The following OLFM3 variants were observed in gnomAD, a reference collection of about 807,000 sequenced individuals.
The protein encoded by OLFM3 is noelin-3.
A neutral mutation model predicts 48.6 loss-of-function variants in OLFM3; 20 were observed. That is an observed-to-expected ratio of 0.41 (90% CI 0.29 to 0.60). OLFM3 has a LOEUF of 0.60. OLFM3 is among the 20% of genes least tolerant of loss of function. The probability of loss-of-function intolerance (pLI) is 0.28; values close to 1 mark genes in which losing one functional copy is unlikely to be tolerated. For missense variants in OLFM3, 437 were observed against 544.3 expected, an observed-to-expected ratio of 0.80 and a Z score of 1.96; for synonymous variants, 222 against 198.1, an observed-to-expected ratio of 1.12 and a Z score of -1.01.
intron 4 of OLFM3, chr1:101,812,718 C>T: frequency 1.0e-6 from 1 of 986,888 alleles, no homozygotes; most frequent in Non-Finnish European, 1.2e-6. Flanking sequence ...TCGGCCAAAA[C>T]TTAGGACAGA....
chr1:101,913,231 T>C (rs975535961), intron 1 of OLFM3, among the ~76,000 whole-genome samples: 6 of 152,318 alleles, frequency 3.9e-5, no homozygotes, highest in African/African-American at 1.4e-4. Flanking sequence ...ACTGCAGCTA[T>C]TGATTTTCCA....
chr1:101,839,996 G>T (rs972031326), intron 1 of OLFM3, among the ~76,000 whole-genome samples: 11 of 152,112 alleles, frequency 7.2e-5, no homozygotes, highest in Non-Finnish European at 1.5e-4. Flanking sequence ...AGTCCTGTGG[G>T]TTTTGATAGA....
intron 1 of OLFM3, among the ~76,000 whole-genome samples, chr1:101,935,635 A>G (rs188699806): frequency 4.9e-4 from 74 of 152,308 alleles, no homozygotes; most frequent in South Asian, 1.0e-3. Flanking sequence ...CAAGGCCAGC[A>G]TCATCCTGAT....
At chr1:101,947,470 TA>T (rs1276621626) in intron 1 of OLFM3, among the ~76,000 whole-genome samples, 1 of 152,154 alleles carries the variant, frequency 6.6e-6, no homozygotes, top group African/African-American at 2.4e-5. Flanking sequence ...CATTTAGAAA[TA>T]AAATTGTTTC....
At chr1:101,833,821 T>C (rs553291622) in intron 2 of OLFM3, among the ~76,000 whole-genome samples, 35 of 152,322 alleles carry the variant, frequency 2.3e-4, no homozygotes, top group Non-Finnish European at 4.6e-4. Context: ...CTGTAGGACT[T>C]AACAAAAACT....
At chr1:101,956,894 A>T (rs943323012) in intron 1 of OLFM3, among the ~76,000 whole-genome samples, 6 of 151,942 alleles carry the variant, frequency 3.9e-5, no homozygotes, top group African/African-American at 1.4e-4. Flanking sequence ...GACATGATAT[A>T]ATAACTAATG....
At chr1:101,818,409 A>T (rs1654438725) in intron 4 of OLFM3, among the ~76,000 whole-genome samples, 1 of 152,310 alleles carries the variant, frequency 6.6e-6, no homozygotes, top group African/African-American at 2.4e-5. Context: ...AAGAAAGAAT[A>T]AAATGCATAG....
At chr1:101,942,832 G>T (rs1195572203) in intron 1 of OLFM3, among the ~76,000 whole-genome samples, 2 of 152,148 alleles carry the variant, frequency 1.3e-5, no homozygotes, top group Admixed American at 1.3e-4. Flanking sequence ...CAAAAACAGA[G>T]GGAAAATAAA....
intron 2 of OLFM3, among the ~76,000 whole-genome samples, chr1:101,831,062 T>C (rs529819095): frequency 4.3e-4 from 66 of 152,348 alleles, no homozygotes; most frequent in African/African-American, 1.5e-3. Flanking sequence ...GCATTAGAAC[T>C]GACTGAATAT....
intron 1 of OLFM3, among the ~76,000 whole-genome samples, chr1:101,890,856 A>G (rs896389924): frequency 6.6e-6 from 1 of 151,976 alleles, no homozygotes; most frequent in Non-Finnish European, 1.5e-5. Flanking sequence ...TACTAATAAA[A>G]AGAGGTAATA....
intron 1 of OLFM3, among the ~76,000 whole-genome samples, chr1:101,946,892 G>A (rs1477123225): frequency 1.3e-5 from 2 of 152,146 alleles, no homozygotes; most frequent in East Asian, 1.9e-4. Flanking sequence ...ATAGTACACA[G>A]TGAAATTAAA....
intron 1 of OLFM3, among the ~76,000 whole-genome samples, chr1:101,873,209 T>C (rs1390663352): frequency 6.6e-6 from 1 of 151,908 alleles, no homozygotes; most frequent in African/African-American, 2.4e-5. Context: ...CCCTTTACAT[T>C]GCTTCCAAGC....
At chr1:101,980,706 C>T (rs1335153991) in intron 1 of OLFM3, among the ~76,000 whole-genome samples, 1 of 152,092 alleles carries the variant, frequency 6.6e-6, no homozygotes. Context: ...GTAAATATGG[C>T]CCAGAGTGAG....
chr1:101,924,312 G>A (rs1298124909), intron 1 of OLFM3, among the ~76,000 whole-genome samples: 3 of 152,126 alleles, frequency 2.0e-5, no homozygotes. Flanking sequence ...AAACCAGAGT[G>A]AAATTCACAG....
intron 1 of OLFM3, among the ~76,000 whole-genome samples, chr1:101,979,982 G>T (rs1661063333): frequency 6.6e-6 from 1 of 152,164 alleles, no homozygotes; most frequent in African/African-American, 2.4e-5. Flanking sequence ...AGTCAAAGGA[G>T]ATTATTTTGG....
chr1:101,948,849 T>A (rs1001173286), intron 1 of OLFM3, among the ~76,000 whole-genome samples: 11 of 147,680 alleles, frequency 7.4e-5, no homozygotes, highest in Admixed American at 2.7e-4. Flanking sequence ...TATTATGTAT[T>A]TTTATATATT....
At chr1:101,906,186 T>G (rs1259033668) in intron 1 of OLFM3, among the ~76,000 whole-genome samples, 2 of 147,780 alleles carry the variant, frequency 1.4e-5, no homozygotes, top group Non-Finnish European at 3.0e-5. Flanking sequence ...ATAGCTCCAG[T>G]TTTTTTTTTA....
intron 4 of OLFM3, among the ~76,000 whole-genome samples, chr1:101,823,770 G>A (rs1011528146): frequency 1.3e-5 from 2 of 152,032 alleles, no homozygotes; most frequent in Non-Finnish European, 2.9e-5. Flanking sequence ...AACTGTAAAT[G>A]AGAAAATGTA....
chr1:101,976,616 T>C (rs1010903113), intron 1 of OLFM3, among the ~76,000 whole-genome samples: 2 of 152,174 alleles, frequency 1.3e-5, no homozygotes, highest in Non-Finnish European at 2.9e-5. Context: ...TCCGGCTTCA[T>C]CTTTTCCCTA....
Sources: gnomAD v4.1 joint callset for allele counts (sites outside exome capture counted in the v4.1 genomes callset) on GRCh38, gnomAD v4.1.1 for gene constraint, MANE v1.5 for transcripts, NCBI Gene and HGNC (gene_info 2026-07-23, HGNC 2026-07-21) for gene names.